The following PAK1 variants were observed in gnomAD, a reference collection of about 807,000 sequenced individuals.
The protein encoded by PAK1 is p21 (RAC1) activated kinase 1.
A neutral mutation model predicts 67.4 loss-of-function variants in PAK1; 29 were observed. The ratio of observed to expected loss-of-function variants is 0.43; its 90% CI spans 0.32 to 0.59. The LOEUF is 0.59. Among genes scored for constraint, PAK1 ranks in the 20% least tolerant of loss-of-function variants. The pLI is 0.07. For missense variants in PAK1, 337 were observed against 670.7 expected (o/e 0.50, Z 5.50); for synonymous variants, 223 against 237.4 (o/e 0.94, Z 0.56).
At chr11:77,333,837 C>G (rs558956661) in intron 13 of PAK1, among the ~76,000 whole-genome samples, 14 of 152,266 alleles carry the variant, frequency 9.2e-5, no homozygotes, top group Admixed American at 9.2e-4. Context: ...ATCATCTTCA[C>G]TTCACAGATA....
At position 77,336,826 on chromosome 11, in the gene PAK1, A is replaced by G. The variant is rs561310400; in HGVS notation, c.1216+498T>C. Among the ~76,000 whole-genome samples, 62 of 151,854 alleles carry G rather than the reference A, an allele frequency of 4.1e-4. No homozygotes were observed. The South Asian group carries it at 5.4e-3, about 13-fold the overall frequency. The stretch of plus-strand genomic sequence containing the variant: ...TTTACACCTTTGAACAAAATGCTCT[A>G]CCTGCCATGGTTTTTACATTATATT... On this transcript the variant is annotated intron_variant, in intron 12 of 14. Coordinates refer to ENST00000356341, the MANE Select transcript of PAK1 (RefSeq NM_002576.5).
At chr11:77,456,903 G>C (rs888787596) in intron 1 of PAK1, among the ~76,000 whole-genome samples, 5 of 151,942 alleles carry the variant, frequency 3.3e-5, no homozygotes, top group Admixed American at 6.6e-5. Context: ...CACCACGCCC[G>C]GCTAATTTTT....
the PAK1 span, among the ~76,000 whole-genome samples, chr11:77,490,805 G>T: frequency 3.7e-4 from 56 of 152,322 alleles, no homozygotes; most frequent in Non-Finnish European, 7.1e-4. Context: ...TCGGCCTTGG[G>T]ATCCTGTTGA....
the PAK1 span, among the ~76,000 whole-genome samples, chr11:77,500,507 C>T: frequency 6.6e-6 from 1 of 152,040 alleles, no homozygotes; most frequent in Non-Finnish European, 1.5e-5. Flanking sequence ...AACTGGATTC[C>T]TCCCTCCAAT....
chr11:77,358,037 C>A (rs1278409065), intron 6 of PAK1, among the ~76,000 whole-genome samples: 2 of 152,144 alleles, frequency 1.3e-5, no homozygotes, highest in African/African-American at 4.8e-5. Flanking sequence ...TTTGTAAGTT[C>A]TCATCCTAAT....
chr11:77,467,948 T>C (rs1957674173), intron 1 of PAK1, among the ~76,000 whole-genome samples: 1 of 152,166 alleles, frequency 6.6e-6, no homozygotes, highest in Non-Finnish European at 1.5e-5. Flanking sequence ...ATCTTAGCTT[T>C]GTGGGAATCC....
In PAK1 at chr11:77,423,438, CACA is replaced by C. The variant is rs1565692443; in HGVS notation, c.-21-30900_-21-30898del. 2.9e-3 allele frequency among the ~76,000 whole-genome samples: 438 copies of C among 151,038 alleles called. 4 individuals carry two copies. Among genetic ancestry groups the C allele is most frequent in the African/African-American group, 0.01 (412 of 41,152 alleles). ...ACACACACACACACACACACACACA[CACA>C]CCCCTTAGGACAATAGTAATCATCA... On this transcript the variant is annotated intron_variant, in intron 1 of 14. Transcript: ENST00000356341.
intron 9 of PAK1, among the ~76,000 whole-genome samples, chr11:77,345,304 A>G (rs1017082382): frequency 6.7e-6 from 1 of 149,178 alleles, no homozygotes; most frequent in Non-Finnish European, 1.5e-5. Flanking sequence ...GAGAGAAATC[A>G]GTAGGTTGGA....
upstream of PAK1, chr11:77,475,336 CA>C (rs1321143729): frequency 6.6e-6 from 1 of 152,242 alleles, no homozygotes; most frequent in Admixed American, 6.5e-5. Context: ...ACAACTGGAG[CA>C]ACCTTTAGTC....
chr11:77,422,959 C>T (rs1471019579), intron 1 of PAK1, among the ~76,000 whole-genome samples: 1 of 152,038 alleles, frequency 6.6e-6, no homozygotes, highest in African/African-American at 2.4e-5. Context: ...AGTAGAAAAA[C>T]AGAAAGAGCC....
rs373593375 is a variant in PAK1, at chr11:77,358,437, T to C, written c.597+461A>G. On this transcript the variant is annotated intron_variant, in intron 6 of 14. Transcript: ENST00000356341. ...GCACTCCTGATGCCCAGCATATTAA[T>C]AGCACTAATGTATTTATATATTCTC... Among the ~76,000 whole-genome samples the C allele has an allele frequency of 3.3e-5, 5 of 152,296 alleles. No homozygotes were observed. In the South Asian group the frequency reaches 6.2e-4, roughly 19 times the overall value.
At chr11:77,472,133 T>C (rs905743218) in intron 1 of PAK1, among the ~76,000 whole-genome samples, 4 of 152,172 alleles carry the variant, frequency 2.6e-5, no homozygotes, top group African/African-American at 9.7e-5. Flanking sequence ...TGAAACATAG[T>C]AGCTCTCCGA....
chr11:77,353,223 G>A (rs1240334700), intron 8 of PAK1: 3 of 283,998 alleles, frequency 1.1e-5, no homozygotes, highest in South Asian at 1.2e-4. Context: ...TCAGCACTAG[G>A]ACAAACAGGG....
At chr11:77,482,888 G>A in the PAK1 span, among the ~76,000 whole-genome samples, 5 of 152,012 alleles carry the variant, frequency 3.3e-5, no homozygotes, top group South Asian at 4.1e-4. Context: ...TTACAGGCAT[G>A]AGCCACCACA....
At chr11:77,505,312 T>C in the PAK1 span, among the ~76,000 whole-genome samples, 1 of 151,996 alleles carries the variant, frequency 6.6e-6, no homozygotes, top group Non-Finnish European at 1.5e-5. Context: ...CTCAGCCTCC[T>C]GAGTAGCTGG....
In PAK1 at chr11:77,343,949, T is replaced by C; in HGVS notation, c.886-18A>G. On this transcript the variant is annotated intron_variant, in intron 9 of 14. Transcript: ENST00000356341. ...ATGGCCACCTGAAATCAAGAGTATA[T>C]TCAATGTGCAACCATAGTCATTCCC... The C allele has an allele frequency of 1.3e-6, 2 of 1,511,364 alleles. No individual in the cohort carries two copies. The highest frequency in any genetic ancestry group is 1.8e-6 in the Non-Finnish European group (2 of 1,086,524). 93.6% of individuals were successfully genotyped at this position (1,511,364 alleles called of 1,614,324 possible).
At chr11:77,478,021 C>A (rs1958077982), upstream of PAK1, among the ~76,000 whole-genome samples, 1 of 152,168 alleles carries the variant, frequency 6.6e-6, no homozygotes, top group Non-Finnish European at 1.5e-5. Context: ...AAGGCAGGAA[C>A]CAACCATGTA....
At chr11:77,408,072 AG>A (rs1953894826) in intron 1 of PAK1, 1 of 152,246 alleles carries the variant, frequency 6.6e-6, no homozygotes, top group East Asian at 1.9e-4. Flanking sequence ...TTTAGGTCCT[AG>A]CTCTGCCACT....
rs377404964 is a variant in PAK1 at position 77,329,958 on chromosome 11, A to G, written c.1551+2772T>C. 1.1e-4 allele frequency among the ~76,000 whole-genome samples: 17 copies of G among 152,060 alleles called. No individual in the cohort carries two copies. In the East Asian group the frequency reaches 1.3e-3, roughly 12 times the overall value. On this transcript the variant is annotated intron_variant, in intron 14 of 14. Transcript: ENST00000356341. ...AAGTCTCAGGATACAAAATCAATGT[A>G]CAAAAATCACAAGCATTCTTATACA...
Sources: gnomAD v4.1 joint callset for allele counts (sites outside exome capture counted in the v4.1 genomes callset) on GRCh38, gnomAD v4.1.1 for gene constraint, MANE v1.5 for transcripts, NCBI Gene and HGNC (gene_info 2026-07-23, HGNC 2026-07-21) for gene names.